The following MYOCD variants were observed in gnomAD, a reference collection of about 807,000 sequenced individuals.
The protein encoded by MYOCD is myocardin.
In MYOCD, 32 loss-of-function variants were observed where a neutral mutation model predicts 96.1. The observed-to-expected ratio is 0.33, with a 90% CI of 0.25 to 0.45. The LOEUF (loss-of-function observed/expected upper bound fraction) is 0.45. Ranked by LOEUF, MYOCD falls within the 20% of genes least tolerant of loss-of-function variation. The pLI, the probability that MYOCD is intolerant of heterozygous loss-of-function variation, is 1.00. For synonymous variants in MYOCD, 469 were observed against 469.0 expected (o/e 1.00, Z 0.00); for missense variants, 1,133 against 1,200.6 (o/e 0.94, Z 0.83).
chr17:12,704,016 A>T (rs1026208213), intron 1 of MYOCD, among the ~76,000 whole-genome samples: 1 of 152,186 alleles, frequency 6.6e-6, no homozygotes, highest in Admixed American at 6.5e-5. Context: ...TAATTTCAAC[A>T]TCTGACCCAT....
Position 12,756,520 on chromosome 17 carries a change from G to C in MYOCD, c.2165G>C (p.Gly722Ala). Residue 722 changes from glycine (G) to alanine (A), a missense_variant, in exon 11 of 14, where the codon GGA becomes GCA. By Grantham distance (60) the Gly-to-Ala change is moderately conservative. Transcript: ENST00000425538. ...AQADSSHGAG[G>A]NPCPKSPCVQ... ...GCAGACAGCAGTCATGGTGCCGGGG[G>C]AAACCCTTGTCCCAAAAGCCCATGT... The C allele has an allele frequency of 6.4e-7, 1 of 1,551,528 alleles. No homozygotes were observed. Among genetic ancestry groups the C allele is most frequent in the Non-Finnish European group, 8.7e-7 (1 of 1,146,976 alleles).
chr17:12,721,557 A>G (rs1169660764), intron 4 of MYOCD, among the ~76,000 whole-genome samples: 1 of 152,194 alleles, frequency 6.6e-6, no homozygotes, highest in Non-Finnish European at 1.5e-5. Flanking sequence ...AGGTGAATGC[A>G]GCAAGACATA....
At chr17:12,722,275 C>T (rs563471414) in intron 4 of MYOCD, among the ~76,000 whole-genome samples, 1 of 152,266 alleles carries the variant, frequency 6.6e-6, no homozygotes, top group Admixed American at 6.5e-5. Flanking sequence ...ACCTTTCACA[C>T]CCTCCAAATG....
chr17:12,726,543 GT>G (rs895923953), intron 5 of MYOCD, among the ~76,000 whole-genome samples: 5 of 152,236 alleles, frequency 3.3e-5, no homozygotes, highest in Admixed American at 6.5e-5. Context: ...TGTGAGAACA[GT>G]ACAAATGGCT....
chr17:12,720,012 T>A (rs1306545540), intron 4 of MYOCD, among the ~76,000 whole-genome samples: 1 of 152,106 alleles, frequency 6.6e-6, no homozygotes, highest in African/African-American at 2.4e-5. Flanking sequence ...TAGGAGCTTT[T>A]ATATGTAAAT....
intron 5 of MYOCD, among the ~76,000 whole-genome samples, chr17:12,724,590 A>G (rs1042800303): frequency 6.6e-6 from 1 of 152,020 alleles, no homozygotes; most frequent in Non-Finnish European, 1.5e-5. Context: ...CTTTTTCATT[A>G]TATTTTCTGA....
chr17:12,693,870 G>T (rs756257453), intron 1 of MYOCD, among the ~76,000 whole-genome samples: 13 of 151,622 alleles, frequency 8.6e-5, no homozygotes, highest in Middle Eastern at 3.2e-3. Flanking sequence ...AAGAATGCAA[G>T]AATAGAAAAA....
intron 1 of MYOCD, among the ~76,000 whole-genome samples, chr17:12,696,750 A>G (rs2030770351): frequency 6.6e-6 from 1 of 152,154 alleles, no homozygotes; most frequent in Non-Finnish European, 1.5e-5. Context: ...GTTTTCTTTC[A>G]TACTGCTGAT....
intron 5 of MYOCD, among the ~76,000 whole-genome samples, chr17:12,728,438 T>C (rs1250330112): frequency 6.6e-6 from 1 of 152,156 alleles, no homozygotes; most frequent in Middle Eastern, 3.2e-3. Flanking sequence ...GTTCTCACCT[T>C]TTCATGGGAC....
intron 2 of MYOCD, chr17:12,710,423 C>T: frequency 1.3e-6 from 1 of 756,040 alleles, no homozygotes. Context: ...GTTTCATGAT[C>T]TGATCAATGT....
Position 12,754,218 on chromosome 17 carries a change from C to T in MYOCD, c.2058+872C>T, listed in dbSNP as rs930588485. Among the ~76,000 whole-genome samples, 7 of 152,086 alleles carry T rather than the reference C, an allele frequency of 4.6e-5. No homozygotes were observed. In the South Asian group the frequency reaches 8.3e-4, roughly 18 times the overall value. ...CTCCCGGGTTCAAGCGATTTTTCTG[C>T]GTCAGCCTCCCGAGTAGCTGGGACT... is the stretch of plus-strand genomic sequence containing the variant. On this transcript the variant is annotated intron_variant, in intron 10 of 13. Transcript: ENST00000425538.
At chr17:12,693,613 AAAAATAAAATAGAAT>A (rs2030578685) in intron 1 of MYOCD, among the ~76,000 whole-genome samples, 2 of 130,736 alleles carry the variant, frequency 1.5e-5, no homozygotes, top group Non-Finnish European at 1.6e-5. Flanking sequence ...CTGTCTCAAA[AAAAATAAAATAGAAT>A]AAAATAAAAT....
At chr17:12,678,188 G>A (rs866589105) in intron 1 of MYOCD, among the ~76,000 whole-genome samples, 2 of 151,882 alleles carry the variant, frequency 1.3e-5, no homozygotes, top group Admixed American at 6.6e-5. Context: ...ACCGCGCCCA[G>A]CCTATCATTT....
intron 9 of MYOCD, 133 bp from the exon 10 acceptor site, chr17:12,752,281 C>T (rs757662214): frequency 1.0e-4 from 76 of 736,522 alleles, no homozygotes; most frequent in Non-Finnish European, 1.5e-4. Flanking sequence ...GAGAGGAAAT[C>T]GGAAAGAAGT....
intron 12 of MYOCD, among the ~76,000 whole-genome samples, chr17:12,759,455 G>T (rs940442505): frequency 6.6e-5 from 10 of 152,066 alleles, no homozygotes; most frequent in African/African-American, 2.4e-4. Flanking sequence ...TTAGGCATCT[G>T]GTACCTTCTG....
At chr17:12,675,719 A>G (rs887381845) in intron 1 of MYOCD, among the ~76,000 whole-genome samples, 1 of 152,092 alleles carries the variant, frequency 6.6e-6, no homozygotes, top group African/African-American at 2.4e-5. Context: ...TTAGCCTGGC[A>G]CTGGTGGCGC....
intron 10 of MYOCD, among the ~76,000 whole-genome samples, chr17:12,753,974 A>G (rs2032936045): frequency 6.6e-6 from 1 of 152,222 alleles, no homozygotes; most frequent in Non-Finnish European, 1.5e-5. Flanking sequence ...ATGGGAACAG[A>G]GACAGTTTAA....
Position 12,687,868 on chromosome 17 carries a change from G to A in MYOCD, c.56-17260G>A, listed in dbSNP as rs550400020. On this transcript the variant is annotated intron_variant, in intron 1 of 13. Coordinates refer to ENST00000425538, the MANE Select transcript of MYOCD (RefSeq NM_001146312.3). ...AAAATCAATCACATTTGAATAATAC[G>A]ATGGTGTTAAGGAAGCAGTGTATCC... 2.6e-5 allele frequency among the ~76,000 whole-genome samples: 4 copies of A among 152,192 alleles called. No homozygotes were observed. In the South Asian group the frequency reaches 6.2e-4, roughly 24 times the overall value.
intron 8 of MYOCD, among the ~76,000 whole-genome samples, chr17:12,745,570 G>A (rs1269927801): frequency 6.6e-6 from 1 of 152,138 alleles, no homozygotes; most frequent in Non-Finnish European, 1.5e-5. Flanking sequence ...TTCCTCCTGT[G>A]TCATCCTCAG....
Sources: gnomAD v4.1 joint callset for allele counts (sites outside exome capture counted in the v4.1 genomes callset) on GRCh38, gnomAD v4.1.1 for gene constraint, MANE v1.5 for transcripts, NCBI Gene and HGNC (gene_info 2026-07-23, HGNC 2026-07-21) for gene names.